The following PRPSAP2 variants were observed in gnomAD, a reference collection of about 807,000 sequenced individuals.
The protein encoded by PRPSAP2 is phosphoribosyl pyrophosphate synthetase associated protein 2.
A neutral mutation model predicts 40.6 loss-of-function variants in PRPSAP2; 24 were observed. The ratio of observed to expected loss-of-function variants is 0.59; its 90% CI spans 0.43 to 0.83. PRPSAP2 has a LOEUF of 0.83. PRPSAP2 is among the 40% of genes least tolerant of loss of function. The pLI, the probability that PRPSAP2 is intolerant of heterozygous loss-of-function variation, is 0.00. For synonymous variants in PRPSAP2, 149 were observed against 164.7 expected (o/e 0.90, Z 0.73); for missense variants, 292 against 465.6 (o/e 0.63, Z 3.43).
intron 8 of PRPSAP2, among the ~76,000 whole-genome samples, chr17:18,899,530 T>G (rs1169999011): frequency 7.2e-6 from 1 of 139,568 alleles, no homozygotes; most frequent in South Asian, 2.5e-4. Context: ...TTTTTTTTTT[T>G]TTTTTTTTTT....
chr17:18,919,234 C>T (rs1022878994), intron 9 of PRPSAP2, among the ~76,000 whole-genome samples: 3 of 152,066 alleles, frequency 2.0e-5, no homozygotes, highest in East Asian at 3.8e-4. Context: ...GGCGGCTGGG[C>T]GCAGTGGCTC....
chr17:18,900,489 A>C (rs906997793), intron 8 of PRPSAP2, among the ~76,000 whole-genome samples: 2 of 151,946 alleles, frequency 1.3e-5, no homozygotes, highest in Non-Finnish European at 2.9e-5. Context: ...TGGTGTTGGC[A>C]TCTGTTAATT....
rs769061022 is a variant in PRPSAP2 at position 18,861,774 on chromosome 17, GTTTGGAGGCCATCC to G, written c.-129+3515_-129+3528del. 2.0e-4 allele frequency among the ~76,000 whole-genome samples: 30 copies of G among 152,344 alleles called. 1 individual carries two copies. In the East Asian group the frequency reaches 2.5e-3, roughly 13 times the overall value. On this transcript the variant is annotated intron_variant, in intron 1 of 11. Transcript: ENST00000268835. ...AAGGCAGGAGAGCTATCTTGAAATAGTTTGGAGGCCATCCTGTGGAAAAGGAATTTGATGTTTCC... is the reference window on the plus strand; with the variant it reads ...AAGGCAGGAGAGCTATCTTGAAATAGTGTGGAAAAGGAATTTGATGTTTCC...
chr17:18,908,534 A>T, intron 8 of PRPSAP2: 3 of 751,516 alleles, frequency 4.0e-6, no homozygotes, highest in Non-Finnish European at 7.4e-6. Flanking sequence ...CTGCCTCCTC[A>T]TGCGGAGGGA....
intron 6 of PRPSAP2, 45 bp from the exon 7 acceptor site, chr17:18,882,523 C>A (rs1019461216): frequency 3.2e-4 from 389 of 1,224,016 alleles, no homozygotes; most frequent in Non-Finnish European, 3.8e-4. Flanking sequence ...AAAAAAAAAA[C>A]AAAAACAAAA....
chr17:18,874,020 T>G (rs2038092811), intron 5 of PRPSAP2, among the ~76,000 whole-genome samples: 1 of 152,128 alleles, frequency 6.6e-6, no homozygotes, highest in Non-Finnish European at 1.5e-5. Context: ...TCCTCCTCCC[T>G]CAGCCTCCCA....
At chr17:18,869,449 C>A (rs1466814940) in intron 4 of PRPSAP2, among the ~76,000 whole-genome samples, 2 of 151,354 alleles carry the variant, frequency 1.3e-5, no homozygotes, top group African/African-American at 4.9e-5. Flanking sequence ...GTGCTTCTCC[C>A]ACCTTAGCCT....
chr17:18,914,966 TC>T (rs2151958811), intron 9 of PRPSAP2, among the ~76,000 whole-genome samples: 1 of 151,530 alleles, frequency 6.6e-6, no homozygotes, highest in Non-Finnish European at 1.5e-5. Flanking sequence ...ACTCAAGTGG[TC>T]CGCCTGCCTC....
rs903190642 is a variant in PRPSAP2 at position 18,889,724 on chromosome 17, T to C, written c.529-98T>C. On this transcript the variant is annotated intron_variant, in intron 7 of 11. Coordinates refer to ENST00000268835, the MANE Select transcript of PRPSAP2 (RefSeq NM_002767.4). The stretch of plus-strand genomic sequence containing the variant: ...GAGAATTTTACTTTGAACTTTTTCT[T>C]TTTTTGGAAAACTTTCAACTAGCCA... The C allele has an allele frequency of 4.1e-6, 4 of 971,116 alleles. No individual in the cohort carries two copies. In the African/African-American group the frequency reaches 5.1e-5, roughly 12 times the overall value. The allele number at this position is 971,116 out of a possible 1,614,324, so 60.2% of individuals were successfully genotyped here.
chr17:18,889,607 A>T lies in PRPSAP2; in HGVS notation c.529-215A>T, dbSNP rs529402140. Among the ~76,000 whole-genome samples, 14 of 152,334 alleles carry T rather than the reference A, an allele frequency of 9.2e-5. 1 individual carries two copies. In the South Asian group the frequency reaches 2.7e-3, roughly 29 times the overall value. ...TGGCAGAGATAAGAGCTAATCACCA[A>T]TTATCCCTACTTTTTTCCTAAAAGA... is the stretch of plus-strand genomic sequence containing the variant. On this transcript the variant is annotated intron_variant, in intron 7 of 11. Transcript: ENST00000268835.
chr17:18,919,397 A>C (rs2041559360), intron 9 of PRPSAP2, among the ~76,000 whole-genome samples: 1 of 152,010 alleles, frequency 6.6e-6, no homozygotes, highest in South Asian at 2.1e-4. Context: ...AATCGCAGCT[A>C]CTCAGGAGGC....
chr17:18,930,517 GT>G, intron 11 of PRPSAP2, 22 bp from the exon 12 acceptor site: 4 of 1,600,372 alleles, frequency 2.5e-6, no homozygotes, highest in South Asian at 1.1e-5. Context: ...TGATGCTGTG[GT>G]TTTTTTTCTT....
chr17:18,878,120 T>G (rs749386040), intron 6 of PRPSAP2, among the ~76,000 whole-genome samples: 10 of 152,198 alleles, frequency 6.6e-5, no homozygotes, highest in Non-Finnish European at 1.3e-4. Context: ...CTTACTATGT[T>G]GTTCAGGCTG....
At chr17:18,867,479 G>A (rs781005999) in intron 4 of PRPSAP2, 145 bp downstream of exon 4, 28 of 967,808 alleles carry the variant, frequency 2.9e-5, no homozygotes, top group Non-Finnish European at 4.1e-5. Flanking sequence ...GTAGAACAGA[G>A]TGGTTTTTTA....
At chr17:18,885,385 G>A (rs1401522320) in intron 7 of PRPSAP2, among the ~76,000 whole-genome samples, 1 of 110,360 alleles carries the variant, frequency 9.1e-6, no homozygotes, top group Non-Finnish European at 1.7e-5. Flanking sequence ...CTGGGCGACA[G>A]AGTGAGATTC....
chr17:18,928,325 A>G (rs1368991446), intron 10 of PRPSAP2: 1 of 178,100 alleles, frequency 5.6e-6, no homozygotes, highest in Non-Finnish European at 1.2e-5. Flanking sequence ...ATGTAAAAAA[A>G]CATATTTCCC....
intron 8 of PRPSAP2, among the ~76,000 whole-genome samples, chr17:18,898,501 A>T (rs2040062344): frequency 6.6e-6 from 1 of 151,948 alleles, no homozygotes; most frequent in Non-Finnish European, 1.5e-5. Flanking sequence ...GTTTTCCTTC[A>T]TTTGAGAATG....
At chr17:18,901,616 T>C (rs1368650356) in intron 8 of PRPSAP2, among the ~76,000 whole-genome samples, 1 of 152,212 alleles carries the variant, frequency 6.6e-6, no homozygotes, top group African/African-American at 2.4e-5. Flanking sequence ...GACCTCGTGA[T>C]CTGCCTGCCT....
chr17:18,886,929 C>CTT (rs71155365), intron 7 of PRPSAP2, among the ~76,000 whole-genome samples: 938 of 75,308 alleles, frequency 0.012, 3 homozygotes, highest in East Asian at 0.021. Context: ...TTCTTTTCTT[C>CTT]TTTTTTTTTT....
Sources: allele counts gnomAD v4.1 joint callset (sites outside exome capture counted in the v4.1 genomes callset), GRCh38; gene constraint gnomAD v4.1.1; transcripts MANE v1.5; gene names NCBI Gene and HGNC (gene_info 2026-07-23, HGNC 2026-07-21).